The following DIS3L2 variants were observed in gnomAD, a reference collection of about 807,000 sequenced individuals.
The protein encoded by DIS3L2 is DIS3-like exonuclease 2.
A neutral mutation model predicts 97.5 loss-of-function variants in DIS3L2; 34 were observed. The observed-to-expected ratio is 0.35, with a 90% CI of 0.27 to 0.46. The LOEUF (loss-of-function observed/expected upper bound fraction) is 0.46, where lower values mean the gene tolerates loss of function less well. Among genes scored for constraint, DIS3L2 ranks in the 20% least tolerant of loss-of-function variants. DIS3L2 has a pLI of 1.00. For missense variants in DIS3L2, 1,038 were observed against 1,146.0 expected (o/e 0.91, Z 1.36); for synonymous variants, 435 against 445.2 (o/e 0.98, Z 0.29).
chr2:232,008,127 C>T (rs1694102046), intron 1 of DIS3L2, among the ~76,000 whole-genome samples: 2 of 151,984 alleles, frequency 1.3e-5, no homozygotes, highest in Non-Finnish European at 2.9e-5. Flanking sequence ...ATCTTCCCAC[C>T]TCAGCCACCA....
At chr2:232,301,422 A>G (rs540143557) in intron 14 of DIS3L2, among the ~76,000 whole-genome samples, 8 of 152,370 alleles carry the variant, frequency 5.3e-5, no homozygotes, top group African/African-American at 1.9e-4. Flanking sequence ...AAGGAAACAA[A>G]TAGGCACATG....
chr2:232,019,494 G>GT (rs993511133), intron 3 of DIS3L2, among the ~76,000 whole-genome samples: 13 of 151,978 alleles, frequency 8.6e-5, no homozygotes, highest in Non-Finnish European at 1.5e-5. Context: ...GCTATGGTAG[G>GT]TAAGTCATGA....
intron 8 of DIS3L2, among the ~76,000 whole-genome samples, chr2:232,144,937 C>A (rs2106362419): frequency 6.6e-6 from 1 of 152,266 alleles, no homozygotes. Context: ...ATCGGGGGCA[C>A]ATAATGTCAG....
chr2:232,045,328 C>T (rs1695208209), intron 5 of DIS3L2, among the ~76,000 whole-genome samples: 1 of 152,154 alleles, frequency 6.6e-6, no homozygotes, highest in Non-Finnish European at 1.5e-5. Flanking sequence ...ATGTTTCTTA[C>T]TGGGCACTGA....
chr2:232,213,127 C>T (rs1377868671), intron 10 of DIS3L2, among the ~76,000 whole-genome samples: 6 of 152,106 alleles, frequency 3.9e-5, no homozygotes, highest in Admixed American at 6.6e-5. Context: ...AAGCAATGCA[C>T]CAAAATGCAG....
At chr2:232,018,372 T>G (rs1694414327) in intron 3 of DIS3L2, among the ~76,000 whole-genome samples, 1 of 152,182 alleles carries the variant, frequency 6.6e-6, no homozygotes, top group African/African-American at 2.4e-5. Flanking sequence ...GCCTCCCCCC[T>G]ACATATGAGA....
chr2:232,302,076 G>A (rs1694870580), intron 14 of DIS3L2, among the ~76,000 whole-genome samples: 1 of 151,996 alleles, frequency 6.6e-6, no homozygotes, highest in African/African-American at 2.4e-5. Flanking sequence ...ATAAGTTTTG[G>A]CCCCCAAAGA....
chr2:232,290,955 G>T (rs1694583564), intron 13 of DIS3L2, among the ~76,000 whole-genome samples: 1 of 152,214 alleles, frequency 6.6e-6, no homozygotes, highest in Non-Finnish European at 1.5e-5. Flanking sequence ...CTGGAGAAAG[G>T]TTCTTTTTTG....
chr2:232,129,564 A>G (rs1698162171), intron 6 of DIS3L2, among the ~76,000 whole-genome samples: 1 of 152,216 alleles, frequency 6.6e-6, no homozygotes, highest in Admixed American at 6.5e-5. Context: ...AGGGCACTTC[A>G]GTAGGTAGAT....
At chr2:232,173,950 G>A (rs541206893) in intron 9 of DIS3L2, among the ~76,000 whole-genome samples, 13 of 152,032 alleles carry the variant, frequency 8.6e-5, no homozygotes, top group Admixed American at 7.9e-4. Context: ...ATATATTTTA[G>A]GATCAGCTTG....
chr2:232,130,842 A>G, intron 7 of DIS3L2, 123 bp downstream of exon 7: 2 of 1,322,498 alleles, frequency 1.5e-6, no homozygotes, highest in Non-Finnish European at 2.0e-6. Flanking sequence ...TAGAGCAGAG[A>G]ATCATAAAAA....
chr2:232,218,224 G>A (rs79305409), intron 10 of DIS3L2, among the ~76,000 whole-genome samples: 2,149 of 152,266 alleles, frequency 0.014, 25 homozygotes, highest in Non-Finnish European at 0.021. Flanking sequence ...GGAGTCATAA[G>A]CGAGGAACCG....
At position 232,260,667 on chromosome 2, in the gene DIS3L2, CTT is replaced by C. The variant is rs1299981524; in HGVS notation, c.1426-2538_1426-2537del. On this transcript the variant is annotated intron_variant, in intron 12 of 20. Transcript: ENST00000325385. ...TTACAGATTCAAGATTCTTATAAGA[CTT>C]TGCTCTGGATAAAAATGTGAGTAGT... 1.3e-4 allele frequency: 20 copies of C among 152,322 alleles called. No homozygotes were observed. The East Asian group carries it at 2.5e-3, about 19-fold the overall frequency. 9.4% of individuals were successfully genotyped at this position (152,322 alleles called of 1,614,324 possible). A position where few individuals can be genotyped will look rare whatever the true frequency, so the allele number is the denominator to read the frequency against.
At chr2:232,021,498 T>C (rs1246378182) in intron 3 of DIS3L2, among the ~76,000 whole-genome samples, 1 of 151,940 alleles carries the variant, frequency 6.6e-6, no homozygotes, top group African/African-American at 2.4e-5. Flanking sequence ...GGATCCAGGC[T>C]GTGAACGTGG....
intron 9 of DIS3L2, among the ~76,000 whole-genome samples, chr2:232,185,442 C>T (rs1476095720): frequency 1.3e-5 from 2 of 152,120 alleles, no homozygotes; most frequent in East Asian, 3.8e-4. Context: ...TGAGATGTCG[C>T]TAAAGCAGTA....
intron 13 of DIS3L2, among the ~76,000 whole-genome samples, chr2:232,283,025 C>G (rs565158863): frequency 6.6e-6 from 1 of 152,346 alleles, no homozygotes; most frequent in Admixed American, 6.5e-5. Flanking sequence ...CCTTAATCAT[C>G]TGTGACCACT....
rs115303084 is a variant in DIS3L2 at position 232,203,773 on chromosome 2, T to G, written c.1125-6553T>G. On this transcript the variant is annotated intron_variant, in intron 9 of 20. Transcript: ENST00000325385. The stretch of plus-strand genomic sequence containing the variant: ...GTAGGGCGCATGGGGGAGAGATAGC[T>G]TCTATTCTTTGGGGCTGTGAGGGTT... Among the ~76,000 whole-genome samples the G allele has an allele frequency of 5.6e-3, 846 of 152,258 alleles. 6 individuals are homozygous for G. Among genetic ancestry groups the G allele is most frequent in the African/African-American group, 0.018 (736 of 41,554 alleles).
In DIS3L2 at chr2:232,165,897, T is replaced by C. The variant is rs535698500; in HGVS notation, c.1124+2265T>C. On this transcript the variant is annotated intron_variant, in intron 9 of 20. Transcript: ENST00000325385. ...ATGTGAAAGTCACAAAATAGAAGTA[T>C]TCCATTTTTTCTAGCCTTTTAGCCT... 2.1e-3 allele frequency among the ~76,000 whole-genome samples: 322 copies of C among 152,162 alleles called. 2 individuals carry two copies. Among genetic ancestry groups the C allele is most frequent in the African/African-American group, 7.3e-3 (305 of 41,538 alleles).
chr2:232,330,909 T>C, intron 16 of DIS3L2, 133 bp downstream of exon 16: 2 of 922,402 alleles, frequency 2.2e-6, no homozygotes, highest in Non-Finnish European at 3.4e-6. Context: ...CGGGGGCTGC[T>C]CCTCCTCTGC....
Sources: allele counts gnomAD v4.1 joint callset (sites outside exome capture counted in the v4.1 genomes callset), GRCh38; gene constraint gnomAD v4.1.1; transcripts MANE v1.5; gene names NCBI Gene and HGNC (gene_info 2026-07-23, HGNC 2026-07-21).